The following NEK11 variants were observed in gnomAD, a reference collection of about 807,000 sequenced individuals.
NEK11 encodes the protein serine/threonine-protein kinase Nek11.
Under a neutral mutation model 80.7 loss-of-function variants are expected in NEK11, and 72 were observed. The ratio of observed to expected loss-of-function variants is 0.89; its 90% CI spans 0.74 to 1.08. NEK11 has a LOEUF of 1.08. Among genes scored for constraint, NEK11 ranks in the 50% least tolerant of loss-of-function variants. NEK11 has a pLI of 0.00. For synonymous variants in NEK11, 251 were observed against 260.7 expected (o/e 0.96, Z 0.36); for missense variants, 764 against 763.6 (o/e 1.00, Z -0.01).
At chr3:131,310,071 G>A (rs1037270282) in intron 17 of NEK11, among the ~76,000 whole-genome samples, 5 of 121,626 alleles carry the variant, frequency 4.1e-5, no homozygotes, top group East Asian at 5.2e-4. Flanking sequence ...TTTTTCTATC[G>A]AAAAAAAAGA....
At chr3:131,318,083 T>C (rs1327832684) in intron 17 of NEK11, among the ~76,000 whole-genome samples, 3 of 151,658 alleles carry the variant, frequency 2.0e-5, no homozygotes, top group Non-Finnish European at 4.4e-5. Context: ...GATAAAATAC[T>C]AAGGTAGAAT....
chr3:131,050,363 AG>A, intron 3 of NEK11, among the ~76,000 whole-genome samples: 1 of 152,334 alleles, frequency 6.6e-6, no homozygotes, highest in Middle Eastern at 3.4e-3. Flanking sequence ...TCAGAATCAA[AG>A]AAAGCAGTAA....
rs932078052 is a variant in NEK11, at chr3:131,288,743, C to T, written c.1718+15169C>T. ...CTGGGATTACAGGCATGAGCCACCG[C>T]GCCCCGCCTATATGGTATGCATTTC... On this transcript the variant is annotated intron_variant, in intron 17 of 17. Coordinates refer to ENST00000383366, the MANE Select transcript of NEK11 (RefSeq NM_024800.5). Among the ~76,000 whole-genome samples, 23 of 152,070 alleles carry T rather than the reference C, an allele frequency of 1.5e-4. No individual in the cohort carries two copies. In the Middle Eastern group the frequency reaches 0.014, roughly 91 times the overall value.
At chr3:131,271,976 T>C (rs1240336149) in intron 16 of NEK11, among the ~76,000 whole-genome samples, 2 of 151,978 alleles carry the variant, frequency 1.3e-5, no homozygotes, top group African/African-American at 4.8e-5. Context: ...GGCGCACGCC[T>C]GTAATCCCAG....
chr3:131,308,920 A>G (rs984924017), intron 17 of NEK11, among the ~76,000 whole-genome samples: 8 of 152,204 alleles, frequency 5.3e-5, no homozygotes, highest in Non-Finnish European at 1.0e-4. Flanking sequence ...TTAGAATCTC[A>G]TAAGGAGCAC....
In NEK11 at chr3:131,029,909, G is replaced by A. The variant is rs755605804; in HGVS notation, c.170+31G>A. 6 of 1,604,502 alleles carry A rather than the reference G, an allele frequency of 3.7e-6. No individual in the cohort carries two copies. In the Admixed American group the frequency reaches 1.0e-4, roughly 27 times the overall value. On this transcript the variant is annotated intron_variant, in intron 3 of 17. Coordinates refer to ENST00000383366, the MANE Select transcript of NEK11 (RefSeq NM_024800.5). Reference sequence around the variant, plus strand: ...TAAAAATGCTTCCTATGAATCTTGAGTAGGCTGCTTTTTGTTTGCAGGTCT... The same window carrying A: ...TAAAAATGCTTCCTATGAATCTTGAATAGGCTGCTTTTTGTTTGCAGGTCT...
intron 14 of NEK11, among the ~76,000 whole-genome samples, chr3:131,173,216 C>A (rs1371599025): frequency 1.3e-5 from 2 of 152,202 alleles, no homozygotes; most frequent in African/African-American, 4.8e-5. Context: ...AAACTTGCCT[C>A]CACTTTTCTC....
intron 17 of NEK11, 147 bp downstream of exon 17, chr3:131,273,721 T>C: frequency 1.7e-6 from 1 of 591,028 alleles, no homozygotes; most frequent in South Asian, 2.3e-5. Flanking sequence ...CTTAGAAACT[T>C]CTCTCTAAAA....
Position 131,059,677 on chromosome 3 carries a change from T to C in NEK11, c.171-20746T>C, listed in dbSNP as rs113430382. ...TGCACACAATTGACTCCCATTTGCA[T>C]TGACAGATGATGTTTTAGTTCTTTT... On this transcript the variant is annotated intron_variant, in intron 3 of 17. Coordinates refer to ENST00000383366, the MANE Select transcript of NEK11 (RefSeq NM_024800.5). Among the ~76,000 whole-genome samples, 806 of 152,322 alleles carry C rather than the reference T, an allele frequency of 5.3e-3. 7 individuals carry two copies. Among genetic ancestry groups the C allele is most frequent in the African/African-American group, 0.018 (734 of 41,578 alleles).
At chr3:131,125,689 T>G (rs2083210062) in intron 5 of NEK11, among the ~76,000 whole-genome samples, 1 of 152,224 alleles carries the variant, frequency 6.6e-6, no homozygotes, top group African/African-American at 2.4e-5. Flanking sequence ...ACATAACATC[T>G]AGTTGGCACT....
At chr3:131,276,230 C>A (rs975785777) in intron 17 of NEK11, among the ~76,000 whole-genome samples, 1 of 152,198 alleles carries the variant, frequency 6.6e-6, no homozygotes, top group African/African-American at 2.4e-5. Context: ...GCTGGATTCC[C>A]AGGAAGCATA....
At chr3:131,132,094 T>C (rs958035291) in intron 5 of NEK11, among the ~76,000 whole-genome samples, 1 of 152,098 alleles carries the variant, frequency 6.6e-6, no homozygotes, top group Non-Finnish European at 1.5e-5. Flanking sequence ...TTTGTTAATG[T>C]TTTATGGCCT....
chr3:131,171,872 T>C (rs1041354299), intron 14 of NEK11, among the ~76,000 whole-genome samples: 2 of 152,198 alleles, frequency 1.3e-5, no homozygotes, highest in African/African-American at 2.4e-5. Context: ...AATGAGTGGA[T>C]GAATACATGA....
chr3:131,280,145 G>T, intron 17 of NEK11, among the ~76,000 whole-genome samples: 1 of 152,198 alleles, frequency 6.6e-6, no homozygotes, highest in East Asian at 1.9e-4. Flanking sequence ...CCAATTGGAA[G>T]TCAGGGACCT....
chr3:131,210,626 C>G (rs113870551), intron 14 of NEK11, among the ~76,000 whole-genome samples: 2,749 of 152,254 alleles, frequency 0.018, 80 homozygotes, highest in African/African-American at 0.063. Flanking sequence ...TTGTAGGTCT[C>G]TAAGGACTTG....
At chr3:131,247,806 T>A (rs1269704418) in intron 16 of NEK11, among the ~76,000 whole-genome samples, 1 of 150,818 alleles carries the variant, frequency 6.6e-6, no homozygotes, top group Non-Finnish European at 1.5e-5. Context: ...CTTGTAGAAA[T>A]TTTTCACTTA....
intron 3 of NEK11, among the ~76,000 whole-genome samples, chr3:131,064,830 A>G (rs755634161): frequency 6.6e-6 from 1 of 151,972 alleles, no homozygotes; most frequent in Non-Finnish European, 1.5e-5. Context: ...GTAAATAGGC[A>G]TTTTCAACCC....
chr3:131,238,561 G>T (rs2108011437), intron 15 of NEK11, among the ~76,000 whole-genome samples: 1 of 152,254 alleles, frequency 6.6e-6, no homozygotes, highest in African/African-American at 2.4e-5. Flanking sequence ...TTGGGGTTTA[G>T]GGAAGACCTA....
At chr3:131,102,925 G>T (rs1578291561) in intron 4 of NEK11, among the ~76,000 whole-genome samples, 1 of 152,066 alleles carries the variant, frequency 6.6e-6, no homozygotes, top group Non-Finnish European at 1.5e-5. Context: ...TGGTCTTTGA[G>T]CTCTGAGATT....
Sources: allele counts gnomAD v4.1 joint callset (sites outside exome capture counted in the v4.1 genomes callset), GRCh38; gene constraint gnomAD v4.1.1; transcripts MANE v1.5; gene names NCBI Gene and HGNC (gene_info 2026-07-23, HGNC 2026-07-21).